FAM227B: variants seen among roughly 807,000 people sequenced by gnomAD.
FAM227B encodes protein FAM227B.
FAM227B carries 88 observed loss-of-function variants against 73.8 expected under a neutral mutation model. The ratio of observed to expected loss-of-function variants is 1.19; its 90% CI spans 1.00 to 1.42. FAM227B has a LOEUF of 1.42. Among genes scored for constraint, FAM227B ranks in the 40% most tolerant of loss-of-function variants. FAM227B has a pLI of 0.00. For synonymous variants in FAM227B, 210 were observed against 190.5 expected, an observed-to-expected ratio of 1.10 and a Z score of -0.84; for missense variants, 632 against 590.9, an observed-to-expected ratio of 1.07 and a Z score of -0.72.
At chr15:49,329,972 T>C (rs1490384724) in intron 15 of FAM227B, 1 of 156,658 alleles carries the variant, frequency 6.4e-6, no homozygotes, top group Non-Finnish European at 1.4e-5. Flanking sequence ...ATATTTGTTT[T>C]GATTTCTCTC....
intron 5 of FAM227B, among the ~76,000 whole-genome samples, chr15:49,583,904 T>C (rs77471544): frequency 1.3e-5 from 2 of 152,128 alleles, no homozygotes; most frequent in Non-Finnish European, 2.9e-5. Context: ...CACGACCAGA[T>C]AAATTCACAA....
In FAM227B at chr15:49,372,111, CATTTATAAATA is replaced by C. The variant is rs1439300724; in HGVS notation, c.1013-723_1013-713del. 4.2e-3 allele frequency among the ~76,000 whole-genome samples: 365 copies of C among 87,046 alleles called. 26 individuals carry two copies. Among genetic ancestry groups the C allele is most frequent in the African/African-American group, 0.011 (256 of 22,394 alleles). 57.1% of individuals were successfully genotyped at this position (87,046 alleles called of 152,430 possible). ...ATTTATAAATAAATGAAATAAAATT[CATTTATAAATA>C]AATGAAATAAAATTCATTTATAAAT... On this transcript the variant is annotated intron_variant, in intron 11 of 15. Coordinates refer to ENST00000299338, the MANE Select transcript of FAM227B (RefSeq NM_152647.3).
At chr15:49,412,249 A>T (rs1157878267) in intron 11 of FAM227B, among the ~76,000 whole-genome samples, 2 of 151,994 alleles carry the variant, frequency 1.3e-5, no homozygotes, top group African/African-American at 4.8e-5. Flanking sequence ...GATTAATATA[A>T]TTTTTGCCAA....
chr15:49,502,877 T>C (rs1012431730), intron 11 of FAM227B, among the ~76,000 whole-genome samples: 1 of 152,176 alleles, frequency 6.6e-6, no homozygotes, highest in African/African-American at 2.4e-5. Flanking sequence ...ATGAATGACT[T>C]GGGACATCCC....
chr15:49,583,397 A>G (rs1332317113), intron 5 of FAM227B, among the ~76,000 whole-genome samples: 1 of 152,098 alleles, frequency 6.6e-6, no homozygotes, highest in Non-Finnish European at 1.5e-5. Flanking sequence ...CAAAATGGCG[A>G]CGAGAGTGAG....
chr15:49,571,092 GAA>G (rs1389590559), intron 8 of FAM227B, among the ~76,000 whole-genome samples: 2 of 151,514 alleles, frequency 1.3e-5, no homozygotes, highest in Non-Finnish European at 3.0e-5. Flanking sequence ...GATATAAACA[GAA>G]ATGGGATTGC....
intron 15 of FAM227B, chr15:49,330,781 G>T (rs1201489820): frequency 4.0e-5 from 6 of 151,148 alleles, no homozygotes; most frequent in Non-Finnish European, 5.9e-5. Flanking sequence ...GAATATTTTT[G>T]TGTGTGGATG....
intron 11 of FAM227B, among the ~76,000 whole-genome samples, chr15:49,373,857 A>G (rs954159981): frequency 1.3e-5 from 2 of 152,158 alleles, no homozygotes; most frequent in African/African-American, 4.8e-5. Context: ...ATACAAACAG[A>G]AAAAGTATTG....
At chr15:49,357,498 T>G (rs919630698) in intron 13 of FAM227B, among the ~76,000 whole-genome samples, 2 of 152,082 alleles carry the variant, frequency 1.3e-5, no homozygotes, top group African/African-American at 4.8e-5. Flanking sequence ...AAATAATGGA[T>G]AAATTCCTCG....
chr15:49,515,052 A>G (rs1049180384), intron 10 of FAM227B, among the ~76,000 whole-genome samples: 1 of 152,090 alleles, frequency 6.6e-6, no homozygotes, highest in Non-Finnish European at 1.5e-5. Context: ...TACCTTCTCA[A>G]ATATTTCTTT....
chr15:49,559,484 C>T (rs1204351575), intron 9 of FAM227B, among the ~76,000 whole-genome samples: 1 of 152,182 alleles, frequency 6.6e-6, no homozygotes, highest in Non-Finnish European at 1.5e-5. Flanking sequence ...GAGAGCACCA[C>T]TGACCAACTT....
At chr15:49,387,526 C>T (rs8031384) in intron 11 of FAM227B, among the ~76,000 whole-genome samples, 151,090 of 151,970 alleles carry the variant, frequency 0.99, 75,109 homozygotes, top group East Asian at 1. Context: ...CAACATCTTA[C>T]TGAATGGGGA....
At chr15:49,360,126 T>C (rs2043942360) in intron 13 of FAM227B, among the ~76,000 whole-genome samples, 2 of 147,798 alleles carry the variant, frequency 1.4e-5, no homozygotes, top group Non-Finnish European at 1.5e-5. Context: ...CATCAGGAGA[T>C]ATACCTAATG....
chr15:49,523,267 C>T (rs1022827757), intron 10 of FAM227B, among the ~76,000 whole-genome samples: 2 of 152,018 alleles, frequency 1.3e-5, no homozygotes, highest in East Asian at 1.9e-4. Context: ...CCACATGTTG[C>T]AGGAGGGTTG....
intron 5 of FAM227B, among the ~76,000 whole-genome samples, chr15:49,580,739 A>G (rs1212892031): frequency 2.6e-5 from 4 of 152,242 alleles, no homozygotes; most frequent in Non-Finnish European, 1.5e-5. Flanking sequence ...TAAGGATTAC[A>G]ATAAAACAAT....
At chr15:49,336,991 C>A (rs1405020928) in intron 13 of FAM227B, among the ~76,000 whole-genome samples, 1 of 152,202 alleles carries the variant, frequency 6.6e-6, no homozygotes, top group Non-Finnish European at 1.5e-5. Flanking sequence ...TGGCCTCCAT[C>A]TGCATTCATG....
rs1243927630 is a variant in FAM227B, at chr15:49,489,879, T to TAG, written c.1012+18331_1012+18332insCT. ...TATATTTTATATATATATATATATATATATAGAGAGAGAGAGAGAGAGAGA... is the reference window on the plus strand; with the variant it reads ...TATATTTTATATATATATATATATATAGATATAGAGAGAGAGAGAGAGAGAGA... On this transcript the variant is annotated intron_variant, in intron 11 of 15. Coordinates refer to ENST00000299338, the MANE Select transcript of FAM227B (RefSeq NM_152647.3). Among the ~76,000 whole-genome samples the TAG allele has an allele frequency of 4.9e-3, 91 of 18,478 alleles. 7 individuals are homozygous for TAG. Among genetic ancestry groups the TAG allele is most frequent in the African/African-American group, 0.01 (80 of 7,856 alleles). The allele number at this position is 18,478 out of a possible 152,430, so 12.1% of individuals were successfully genotyped here.
intron 12 of FAM227B, among the ~76,000 whole-genome samples, chr15:49,368,355 C>A (rs903260859): frequency 7.9e-5 from 12 of 152,050 alleles, no homozygotes; most frequent in African/African-American, 2.9e-4. Context: ...TTTATTGATT[C>A]CACTTACTGT....
At chr15:49,495,191 G>A (rs1314807283) in intron 11 of FAM227B, among the ~76,000 whole-genome samples, 3 of 152,164 alleles carry the variant, frequency 2.0e-5, no homozygotes, top group Non-Finnish European at 4.4e-5. Context: ...ATCTGGGGGA[G>A]GTATTTGCAG....
Sources: gnomAD v4.1 joint callset for allele counts (sites outside exome capture counted in the v4.1 genomes callset) on GRCh38, gnomAD v4.1.1 for gene constraint, MANE v1.5 for transcripts, NCBI Gene and HGNC (gene_info 2026-07-23, HGNC 2026-07-21) for gene names.